RAB34: variants seen among roughly 807,000 people sequenced by gnomAD.
The protein encoded by RAB34 is RAB34, member RAS oncogene family, also known as ras-related protein Rab-34.
RAB34 carries 33 observed loss-of-function variants against 39.0 expected under a neutral mutation model. The observed-to-expected ratio is 0.85, with a 90% CI of 0.64 to 1.13. The LOEUF (loss-of-function observed/expected upper bound fraction) is 1.13. Ranked by LOEUF, RAB34 falls within the 50% of genes most tolerant of loss-of-function variation. The pLI, the probability that RAB34 is intolerant of heterozygous loss-of-function variation, is 0.00. For missense variants in RAB34, 289 were observed against 326.1 expected (o/e 0.89, Z 0.88); for synonymous variants, 135 against 125.1 (o/e 1.08, Z -0.53).
upstream of RAB34, chr17:28,718,015 G>C (rs2033838619): frequency 7.6e-7 from 1 of 1,319,356 alleles, no homozygotes; most frequent in South Asian, 1.7e-5. Flanking sequence ...GCTTCACCGG[G>C]CACCAGGACC....
chr17:28,717,745 C>T lies in RAB34; in HGVS notation c.-479G>A. The T allele has an allele frequency of 1.5e-6, 2 of 1,328,942 alleles. No individual in the cohort carries two copies. Among genetic ancestry groups the T allele is most frequent in the South Asian group, 4.3e-5 (2 of 46,484 alleles). The allele number at this position is 1,328,942 out of a possible 1,614,324, so 82.3% of individuals were successfully genotyped here. A position where few individuals can be genotyped will look rare whatever the true frequency, so the allele number is the denominator to read the frequency against. On this transcript the variant is annotated 5_prime_UTR_variant, in exon 1 of 10. In the 5' UTR this introduces an upstream ATG that the reference lacks. Transcript: ENST00000395245. ...CCGGGGGCGCGGAGCGGCCCCGCCA[C>T]ACGGGGTCAGTGTGGGCAGGGGCGG... is the stretch of plus-strand genomic sequence containing the variant.
At position 28,717,738 on chromosome 17, in the gene RAB34, C is replaced by T; in HGVS notation, c.-472G>A. 7.5e-7 allele frequency: 1 copy of T among 1,327,302 alleles called. No individual in the cohort carries two copies. The highest frequency in any genetic ancestry group is 9.6e-7 in the Non-Finnish European group (1 of 1,043,774). The allele number at this position is 1,327,302 out of a possible 1,614,324, so 82.2% of individuals were successfully genotyped here. A position where few individuals can be genotyped will look rare whatever the true frequency, so the allele number is the denominator to read the frequency against. ...GAGCGGCCCGGGGGCGCGGAGCGGC[C>T]CCGCCACACGGGGTCAGTGTGGGCA... On this transcript the variant is annotated 5_prime_UTR_variant, in exon 1 of 10. Coordinates refer to ENST00000395245, the MANE Select transcript of RAB34 (RefSeq NM_031934.6).
At chr17:28,716,131 C>T in intron 2 of RAB34, 73 bp from the exon 3 acceptor site, 3 of 1,604,764 alleles carry the variant, frequency 1.9e-6, no homozygotes, top group Non-Finnish European at 2.6e-6. Context: ...ATGCTCCCGA[C>T]TAGGTCCAGA....
At position 28,715,496 on chromosome 17, in the gene RAB34, CAAT is replaced by C. The variant is rs771076331; in HGVS notation, c.388_390del (p.Ile130del). The stretch of plus-strand genomic sequence containing the variant: ...GATGCCACATCATTCAGGTTGAAGA[CAAT>C]GATGATGGCTGGAAGAGTGGCAGAA... On this transcript the variant is annotated inframe_deletion, in exon 6 of 10. Transcript: ENST00000395245. The C allele has an allele frequency of 6.2e-6, 10 of 1,614,002 alleles. No homozygotes were observed. In the African/African-American group the frequency reaches 6.7e-5, roughly 11 times the overall value.
At chr17:28,716,599 A>C in intron 2 of RAB34, 2 of 328,822 alleles carry the variant, frequency 6.1e-6, no homozygotes, top group Non-Finnish European at 1.1e-5. Flanking sequence ...GCACAGCCAG[A>C]CCCCTGCCCT....
chr17:28,715,075 G>C lies in RAB34; in HGVS notation c.561C>G (p.Ala187=), dbSNP rs192449489. The change falls in exon 8 of 10, where the codon GCC becomes GCG. Residue 187 remains alanine, a synonymous_variant. Coordinates refer to ENST00000395245, the MANE Select transcript of RAB34 (RefSeq NM_031934.6). ...ALMEKDALQV[A]QEMKAEYWAV... ...CCCAGTACTCAGCCTTCATCTCCTGGGCCACCTGGAGGGCGTCTTTCTCCA... is the reference window on the plus strand; with the variant it reads ...CCCAGTACTCAGCCTTCATCTCCTGCGCCACCTGGAGGGCGTCTTTCTCCA... The C allele has an allele frequency of 3.5e-5, 57 of 1,614,080 alleles. No homozygotes were observed. In the African/African-American group the frequency reaches 7.6e-4, roughly 22 times the overall value.
At chr17:28,718,095 C>G (rs777696800), upstream of RAB34, 8 of 1,601,304 alleles carry the variant, frequency 5.0e-6, no homozygotes, top group Non-Finnish European at 6.8e-6. Context: ...CCTCTATACC[C>G]GGCTGCGCCT....
intron 6 of RAB34, 84 bp from the exon 7 acceptor site, chr17:28,715,360 C>G: frequency 6.3e-7 from 1 of 1,583,688 alleles, no homozygotes; most frequent in Non-Finnish European, 8.6e-7. Context: ...TACCCCCTCT[C>G]TGGTCCTACA....
chr17:28,717,139 C>T, intron 1 of RAB34, 74 bp downstream of exon 1: 1 of 1,539,864 alleles, frequency 6.5e-7, no homozygotes, highest in Non-Finnish European at 8.7e-7. Context: ...AGTCCTCTAA[C>T]TGGTCTGGTG....
intron 2 of RAB34, chr17:28,716,260 T>G (rs2033413944): frequency 7.8e-6 from 5 of 642,036 alleles, no homozygotes; most frequent in African/African-American, 3.7e-5. Context: ...GACATGAATT[T>G]GAATCCCAGC....
intron 2 of RAB34, 164 bp from the exon 3 acceptor site, chr17:28,716,222 G>T: frequency 1.2e-6 from 1 of 843,598 alleles, no homozygotes; most frequent in Non-Finnish European, 1.8e-6. Flanking sequence ...CTGGGGAGGA[G>T]GAGTGTTTTG....
chr17:28,717,306 A>G lies in RAB34; in HGVS notation c.-40T>C. Reference sequence around the variant, plus strand: ...TGCAGGGCGCCCTGAGAAGGCGCCGAGGCCGGATCCGCGTCAGCGACCCGG... The same window carrying G: ...TGCAGGGCGCCCTGAGAAGGCGCCGGGGCCGGATCCGCGTCAGCGACCCGG... On this transcript the variant is annotated 5_prime_UTR_variant, in exon 1 of 10. Transcript: ENST00000395245. The G allele has an allele frequency of 3.2e-6, 5 of 1,562,410 alleles. No individual in the cohort carries two copies. The highest frequency in any genetic ancestry group is 3.5e-6 in the Non-Finnish European group (4 of 1,158,038).
upstream of RAB34, chr17:28,718,309 G>T: frequency 6.6e-7 from 1 of 1,507,258 alleles, no homozygotes; most frequent in Non-Finnish European, 8.9e-7. Flanking sequence ...GGAGGTCGGG[G>T]GTGAGGATGG....
chr17:28,717,310 C>T lies in RAB34; in HGVS notation c.-44G>A, dbSNP rs2033668520. 6.4e-7 allele frequency: 1 copy of T among 1,557,238 alleles called. No individual in the cohort carries two copies. Among genetic ancestry groups the T allele is most frequent in the South Asian group, 1.2e-5 (1 of 85,872 alleles). ...GGGCGCCCTGAGAAGGCGCCGAGGC[C>T]GGATCCGCGTCAGCGACCCGGGCGC... On this transcript the variant is annotated 5_prime_UTR_variant, in exon 1 of 10. Coordinates refer to ENST00000395245, the MANE Select transcript of RAB34 (RefSeq NM_031934.6).
Position 28,714,892 on chromosome 17 carries a change from C to A in RAB34, c.613G>T (p.Val205Phe). The A allele has an allele frequency of 6.2e-7, 1 of 1,614,030 alleles. No homozygotes were observed. Among genetic ancestry groups the A allele is most frequent in the Non-Finnish European group, 8.5e-7 (1 of 1,179,964 alleles). ...WAVSSLTGEN[V>F]REFFFRVAAL... is the part of the protein sequence containing the mutation. Reference sequence around the variant, plus strand: ...GCCACACGGAAGAAGAATTCTCGGACATTCTCACCTGACACAGAGAGCAGA... The same window carrying A: ...GCCACACGGAAGAAGAATTCTCGGAAATTCTCACCTGACACAGAGAGCAGA... Residue 205 changes from valine to phenylalanine, a missense_variant, in exon 9 of 10, where the codon GTC becomes TTC. Physicochemically the swap from Val to Phe is conservative, Grantham distance 50. Coordinates refer to ENST00000395245, the MANE Select transcript of RAB34 (RefSeq NM_031934.6).
chr17:28,717,940 C>T, upstream of RAB34: 1 of 780,940 alleles, frequency 1.3e-6, no homozygotes, highest in Non-Finnish European at 1.7e-6. Flanking sequence ...GGCCTCGCTG[C>T]CCGCCCTCGC....
Position 28,716,680 on chromosome 17 carries a change from A to G in RAB34, c.146+223T>C, listed in dbSNP as rs1597774053. The G allele has an allele frequency of 6.1e-6, 3 of 492,986 alleles. No individual in the cohort carries two copies. In the East Asian group the frequency reaches 1.1e-4, roughly 19 times the overall value. The allele number at this position is 492,986 out of a possible 1,614,324, so 30.5% of individuals were successfully genotyped here. ...TCCCATTTCAGACACCTTAGTCTCTACTCAGAAATCCAGCTGCCACCCTTC... is the reference window on the plus strand; with the variant it reads ...TCCCATTTCAGACACCTTAGTCTCTGCTCAGAAATCCAGCTGCCACCCTTC... On this transcript the variant is annotated intron_variant, in intron 2 of 9. Transcript: ENST00000395245.
Position 28,715,058 on chromosome 17 carries a change from T to C in RAB34, c.578A>G (p.Glu193Gly). 1.9e-6 allele frequency: 3 copies of C among 1,614,050 alleles called. No individual in the cohort carries two copies. The highest frequency in any genetic ancestry group is 2.5e-6 in the Non-Finnish European group (3 of 1,179,976). The part of the protein sequence containing the change: ...ALQVAQEMKA[E>G]YWAVSSLTGE... The stretch of plus-strand genomic sequence containing the variant: ...AGTGAGAGATGAGACTGCCCAGTAC[T>C]CAGCCTTCATCTCCTGGGCCACCTG... Residue 193 changes from glutamate (E) to glycine (G), a missense_variant, in exon 8 of 10, where the codon GAG becomes GGG. Coordinates refer to ENST00000395245, the MANE Select transcript of RAB34 (RefSeq NM_031934.6).
At chr17:28,717,176 G>A (rs2033616434) in intron 1 of RAB34, 37 bp downstream of exon 1, 3 of 1,578,242 alleles carry the variant, frequency 1.9e-6, no homozygotes, top group South Asian at 2.3e-5. Flanking sequence ...CACACCCCGG[G>A]CTGTAGACTG....
Sources: allele counts gnomAD v4.1 joint callset, GRCh38; gene constraint gnomAD v4.1.1; transcripts MANE v1.5; gene names NCBI Gene and HGNC (gene_info 2026-07-23, HGNC 2026-07-21).